The following OPHN1 variants were observed in gnomAD, a reference collection of about 807,000 sequenced individuals.
OPHN1 encodes oligophrenin-1.
In OPHN1, 11 loss-of-function variants were observed where a neutral mutation model predicts 60.7. The ratio of observed to expected loss-of-function variants is 0.18; its 90% CI spans 0.11 to 0.30. The LOEUF (loss-of-function observed/expected upper bound fraction) is 0.30. Ranked by LOEUF, OPHN1 falls within the 10% of genes least tolerant of loss-of-function variation. OPHN1 has a pLI of 1.00. For missense variants in OPHN1, 449 were observed against 611.0 expected, an observed-to-expected ratio of 0.73 and a Z score of 2.80; for synonymous variants, 226 against 222.6, an observed-to-expected ratio of 1.02 and a Z score of -0.14.
In OPHN1 at chrX:68,176,973, C is replaced by T. The variant is rs374982888; in HGVS notation, c.1276+15946G>A. The stretch of plus-strand genomic sequence containing the variant: ...ACAATACATATTGTTTTTATATATA[C>T]ATATATATATATATATATATGCATA... On this transcript the variant is annotated intron_variant, in intron 15 of 24. Coordinates refer to ENST00000355520, the MANE Select transcript of OPHN1 (RefSeq NM_002547.3). Among the ~76,000 whole-genome samples the T allele has an allele frequency of 4.4e-4, 44 of 99,141 alleles. 1 individual carries two copies. The highest frequency in any genetic ancestry group is 1.5e-3 in the African/African-American group (41 of 27,292). 86.1% of individuals were successfully genotyped at this position (99,141 alleles called of 115,157 possible).
At chrX:68,312,252 ATTTTTT>A (rs1238021221) in intron 2 of OPHN1, among the ~76,000 whole-genome samples, 1 of 69,829 alleles carries the variant, frequency 1.4e-5, no homozygotes, top group African/African-American at 6.7e-5. Flanking sequence ...GGCTCGGCTA[ATTTTTT>A]TTTTTTTTTT....
chrX:68,058,259 A>AACACACACAC (rs745625536), intron 21 of OPHN1, among the ~76,000 whole-genome samples: 6 of 101,999 alleles, frequency 5.9e-5, no homozygotes, highest in African/African-American at 2.2e-4. Context: ...CCTACACTCT[A>AACACACACAC]ACACACACAC....
intron 16 of OPHN1, among the ~76,000 whole-genome samples, chrX:68,116,247 TG>T (rs1368789218): frequency 9.0e-6 from 1 of 111,520 alleles, no homozygotes; most frequent in Non-Finnish European, 1.9e-5. Context: ...AGGAAAACAA[TG>T]GGGGAAGGGG....
At chrX:68,317,372 AAAGAAAGGAAGG>A (rs1163264364) in intron 2 of OPHN1, among the ~76,000 whole-genome samples, 37 of 63,388 alleles carry the variant, frequency 5.8e-4, no homozygotes, top group Non-Finnish European at 7.7e-4. Context: ...AGAAAGAAAG[AAAGAAAGGAAGG>A]AAGGAAGGAA....
intron 21 of OPHN1, among the ~76,000 whole-genome samples, chrX:68,054,789 C>T (rs956044123): frequency 3.7e-4 from 41 of 111,147 alleles, no homozygotes; most frequent in African/African-American, 1.2e-3. Context: ...AAAAAGTCCA[C>T]AGAAAGTGCT....
intron 6 of OPHN1, among the ~76,000 whole-genome samples, chrX:68,226,643 A>G (rs187441678): frequency 1.3e-4 from 14 of 111,349 alleles, no homozygotes; most frequent in Admixed American, 6.8e-4. Flanking sequence ...CTTCATAAGT[A>G]AAGGCGAAAT....
intron 5 of OPHN1, among the ~76,000 whole-genome samples, chrX:68,257,559 C>T (rs1446977694): frequency 9.0e-6 from 1 of 111,206 alleles, no homozygotes; most frequent in Non-Finnish European, 1.9e-5. Context: ...GTATAGACCC[C>T]AATGCATAGC....
In OPHN1 at chrX:68,330,350, AG is replaced by A. The variant is rs775813945; in HGVS notation, c.155-31255del. Among the ~76,000 whole-genome samples, 4 of 93,637 alleles carry A rather than the reference AG, an allele frequency of 4.3e-5. No individual in the cohort carries two copies. The South Asian group carries it at 2.3e-3, about 55-fold the overall frequency. 81.3% of individuals were successfully genotyped at this position (93,637 alleles called of 115,157 possible). A position where few individuals can be genotyped will look rare whatever the true frequency, so the allele number is the denominator to read the frequency against. On this transcript the variant is annotated intron_variant, in intron 2 of 24. Transcript: ENST00000355520. ...TGACCTCAGGTGATCTGCCTGCCTCAGCCTCCCAAAGTGCTGGGATTACAGG... is the reference window on the plus strand; with the variant it reads ...TGACCTCAGGTGATCTGCCTGCCTCACCTCCCAAAGTGCTGGGATTACAGG...
intron 5 of OPHN1, 36 bp from the exon 6 acceptor site, chrX:68,234,624 T>C: frequency 1.0e-6 from 1 of 1,002,030 alleles, no homozygotes; most frequent in Non-Finnish European, 1.4e-6. Flanking sequence ...ATTAAATGTC[T>C]GTAGTTGTAA....
At position 68,051,787 on chromosome X, in the gene OPHN1, C is replaced by T. The variant is rs775479838; in HGVS notation, c.2375+753G>A. Among the ~76,000 whole-genome samples, 6 of 111,653 alleles carry T rather than the reference C, an allele frequency of 5.4e-5. No individual in the cohort carries two copies. The Admixed American group carries it at 5.7e-4, about 11-fold the overall frequency. ...ATGCACATGCACACACAAGTGTGCA[C>T]AGACATATGTGCTTGTGAGAGAGAA... is the stretch of plus-strand genomic sequence containing the variant. On this transcript the variant is annotated intron_variant, in intron 23 of 24. Coordinates refer to ENST00000355520, the MANE Select transcript of OPHN1 (RefSeq NM_002547.3).
chrX:68,048,499 AGGACT>A (rs1322641330), intron 23 of OPHN1, 42 bp from the exon 24 acceptor site: 1 of 1,132,322 alleles, frequency 8.8e-7, no homozygotes, highest in Non-Finnish European at 1.2e-6. Flanking sequence ...TCTAGAAATC[AGGACT>A]GGAAAGGTAA....
At chrX:68,274,674 T>C in intron 5 of OPHN1, 64 bp downstream of exon 5, 1 of 767,044 alleles carries the variant, frequency 1.3e-6, no homozygotes, top group Non-Finnish European at 2.0e-6. Context: ...AAGTGAAGAA[T>C]AGTAGCCCAT....
At chrX:68,398,911 T>C (rs753655897) in intron 2 of OPHN1, among the ~76,000 whole-genome samples, 1 of 110,510 alleles carries the variant, frequency 9.0e-6, no homozygotes, top group Non-Finnish European at 1.9e-5. Flanking sequence ...ATTGTGCCAC[T>C]GCACTCCAGC....
At chrX:68,312,100 A>ATT (rs112240586) in intron 2 of OPHN1, among the ~76,000 whole-genome samples, 52 of 92,228 alleles carry the variant, frequency 5.6e-4, no homozygotes, top group East Asian at 1.6e-3. Flanking sequence ...ATTATATTCT[A>ATT]TTTTTTTTTT....
At position 68,432,993 on chromosome X, in the gene OPHN1, C is replaced by A; in HGVS notation, c.28G>T (p.Asp10Tyr). ...AAATCGGGGCTGTCCAGGTAGCAGT[C>A]GCTGAACTCCAGCGGGGGATGACCC... Reference protein sequence around the residue: MGHPPLEFSDCYLDSPDFRE... With the variant: MGHPPLEFSYCYLDSPDFRE... The change falls in exon 2 of 25, where the codon GAC (aspartate) becomes TAC (tyrosine). Residue 10 changes from aspartate (D) to tyrosine (Y), a missense_variant. Physicochemically the swap from Asp to Tyr is radical, Grantham distance 160. Coordinates refer to ENST00000355520, the MANE Select transcript of OPHN1 (RefSeq NM_002547.3). 4 of 1,209,114 alleles carry A rather than the reference C, an allele frequency of 3.3e-6. No individual in the cohort carries two copies. Among genetic ancestry groups the A allele is most frequent in the Non-Finnish European group, 4.5e-6 (4 of 894,065 alleles).
intron 21 of OPHN1, among the ~76,000 whole-genome samples, chrX:68,060,191 A>G (rs1054140294): frequency 4.5e-5 from 5 of 111,585 alleles, no homozygotes; most frequent in African/African-American, 1.6e-4. Context: ...GGCAGAAAAA[A>G]ATAGGCTTGT....
rs1473217229 is a variant in OPHN1 at position 68,419,355 on chromosome X, T to C, written c.154+13512A>G. ...AATTCCTGGCTAAGTTGTTACTCAA[T>C]TAGCACACTGGCACCCCGCACTTCC... On this transcript the variant is annotated intron_variant, in intron 2 of 24. Transcript: ENST00000355520. Among the ~76,000 whole-genome samples the C allele has an allele frequency of 3.7e-5, 4 of 108,875 alleles. No individual in the cohort carries two copies. In the Admixed American group the frequency reaches 4.0e-4, roughly 11 times the overall value. The allele number at this position is 108,875 out of a possible 115,157, so 94.5% of individuals were successfully genotyped here. A position where few individuals can be genotyped will look rare whatever the true frequency, so the allele number is the denominator to read the frequency against.
At chrX:68,268,677 G>C (rs757024265) in intron 5 of OPHN1, among the ~76,000 whole-genome samples, 71 of 111,347 alleles carry the variant, frequency 6.4e-4, no homozygotes, top group African/African-American at 2.2e-3. Context: ...TTGAAAACTG[G>C]CACAAGACAG....
At chrX:68,261,993 A>G (rs2077896039) in intron 5 of OPHN1, among the ~76,000 whole-genome samples, 1 of 111,947 alleles carries the variant, frequency 8.9e-6, no homozygotes. Context: ...AAGTGCTAAT[A>G]TCTTCATCTT....
Sources: allele counts gnomAD v4.1 joint callset (sites outside exome capture counted in the v4.1 genomes callset), GRCh38; gene constraint gnomAD v4.1.1; transcripts MANE v1.5; gene names NCBI Gene and HGNC (gene_info 2026-07-23, HGNC 2026-07-21).